The following ANKRD36B variants were observed in gnomAD, a reference collection of about 807,000 sequenced individuals.
ANKRD36B encodes the protein ankyrin repeat domain 36B, also known as ankyrin repeat domain-containing protein 36B.
ANKRD36B carries 37 observed loss-of-function variants against 135.7 expected under a neutral mutation model. The ratio of observed to expected loss-of-function variants is 0.27; its 90% CI spans 0.21 to 0.36. The LOEUF is 0.36. Ranked by LOEUF, ANKRD36B falls within the 10% of genes least tolerant of loss-of-function variation. ANKRD36B has a pLI of 1.00. For synonymous variants in ANKRD36B, 179 were observed against 348.1 expected, an observed-to-expected ratio of 0.51 and a Z score of 5.41; for missense variants, 549 against 1,037.1, an observed-to-expected ratio of 0.53 and a Z score of 6.46.
rs1327682594 is a variant in ANKRD36B at position 97,578,933 on chromosome 2, T to A, written c.668A>T (p.Asp223Val). The stretch of plus-strand genomic sequence containing the variant: ...TCTATTCTCAGCCTCACTGGCATAA[T>A]CTTCTGCAAGCTTTCCATACACATC... ...SRDVYGKLAE[D>V]YASEAENRVI... The change falls in exon 5 of 44, where the codon GAT (aspartate) becomes GTT (valine). Residue 223 changes from aspartate (D) to valine (V), a missense_variant. Asp to Val is a radical substitution (Grantham distance 152). Transcript: ENST00000359901. 1 of 1,613,036 alleles carries A rather than the reference T, an allele frequency of 6.2e-7. No homozygotes were observed. Among genetic ancestry groups the A allele is most frequent in the South Asian group, 1.1e-5 (1 of 91,014 alleles).
chr2:97,535,486 A>AAC (rs201309834), intron 34 of ANKRD36B, among the ~76,000 whole-genome samples: 2,828 of 107,684 alleles, frequency 0.026, 94 homozygotes, highest in East Asian at 0.073. Flanking sequence ...AAAAAAATAA[A>AAC]ACACACACAC....
At chr2:97,569,524 A>G (rs2081680336) in intron 6 of ANKRD36B, among the ~76,000 whole-genome samples, 4 of 152,044 alleles carry the variant, frequency 2.6e-5, no homozygotes, top group Admixed American at 2.6e-4. Context: ...TACAATACCA[A>G]GAGGGAACTT....
Position 97,589,709 on chromosome 2 carries a change from C to T in ANKRD36B, c.-24G>A, listed in dbSNP as rs2871168. 5.3e-4 allele frequency: 852 copies of T among 1,611,988 alleles called. 3 individuals are homozygous for T. In the East Asian group the frequency reaches 7.5e-3, roughly 14 times the overall value. ...ATGAGGGTGGGCCACCTCTCCCGCT[C>T]GTCGTCTTCCTTAATCGTCGGCTGC... is the stretch of plus-strand genomic sequence containing the variant. On this transcript the variant is annotated 5_prime_UTR_variant, in exon 1 of 44. Coordinates refer to ENST00000359901, the MANE Select transcript of ANKRD36B (RefSeq NM_001393939.1).
rs764517986 is a variant in ANKRD36B, at chr2:97,585,067, G to A, written c.327C>T (p.Gly109=). 22 of 1,612,680 alleles carry A rather than the reference G, an allele frequency of 1.4e-5. No individual in the cohort carries two copies. The highest frequency in any genetic ancestry group is 8.0e-5 in the African/African-American group (6 of 74,778). Residue 109 remains glycine (G), a synonymous_variant, in exon 3 of 44, where the codon GGC becomes GGT. Transcript: ENST00000359901. ...EACATLLLQN[G]ADPNITDVFG... ...AGACATCCGTAATATTTGGATCGGC[G>A]CCATTTTGCAGCAGAAGAGTTGCAC...
chr2:97,533,635 A>G lies in ANKRD36B; in HGVS notation c.2192-1251T>C, dbSNP rs560275917. On this transcript the variant is annotated intron_variant, in intron 34 of 43. Coordinates refer to ENST00000359901, the MANE Select transcript of ANKRD36B (RefSeq NM_001393939.1). Reference sequence around the variant, plus strand: ...ATAGACAGTTGTAGAATAAAAATTAATAAAACTATTCATTTTTTTCATTCC... The same window carrying G: ...ATAGACAGTTGTAGAATAAAAATTAGTAAAACTATTCATTTTTTTCATTCC... Among the ~76,000 whole-genome samples the G allele has an allele frequency of 4.9e-4, 47 of 96,154 alleles. 9 individuals carry two copies. The South Asian group carries it at 7.6e-3, about 15-fold the overall frequency. The allele number at this position is 96,154 out of a possible 152,430, so 63.1% of individuals were successfully genotyped here. A position where few individuals can be genotyped will look rare whatever the true frequency, so the allele number is the denominator to read the frequency against.
chr2:97,577,592 T>C (rs2082313807), intron 5 of ANKRD36B, among the ~76,000 whole-genome samples: 1 of 147,618 alleles, frequency 6.8e-6, no homozygotes, highest in African/African-American at 2.5e-5. Context: ...ATTGTTCCAA[T>C]TTTAGTATTT....
intron 3 of ANKRD36B, among the ~76,000 whole-genome samples, chr2:97,584,317 G>A (rs1293572472): frequency 8.3e-5 from 10 of 121,066 alleles, no homozygotes; most frequent in Non-Finnish European, 1.6e-4. Flanking sequence ...AAACTGAAGC[G>A]ATCTTTGTCT....
At chr2:97,564,858 C>CT (rs1271630167) in intron 6 of ANKRD36B, among the ~76,000 whole-genome samples, 1 of 151,944 alleles carries the variant, frequency 6.6e-6, no homozygotes, top group South Asian at 2.1e-4. Flanking sequence ...TATATGGGCT[C>CT]TTTTTTTGGT....
At chr2:97,552,795 G>A (rs1164996712) in intron 16 of ANKRD36B, among the ~76,000 whole-genome samples, 11 of 151,696 alleles carry the variant, frequency 7.3e-5, no homozygotes, top group East Asian at 1.9e-4. Flanking sequence ...TCTTTTCTTC[G>A]CAGTACGATG....
At chr2:97,580,319 A>T (rs913408187) in intron 4 of ANKRD36B, 143 bp downstream of exon 4, 4 of 677,886 alleles carry the variant, frequency 5.9e-6, no homozygotes, top group Admixed American at 3.4e-5. Flanking sequence ...CTAAGTGATG[A>T]TCTGTGTTGA....
chr2:97,563,510 C>T (rs1178384335), intron 6 of ANKRD36B, among the ~76,000 whole-genome samples: 1 of 151,740 alleles, frequency 6.6e-6, no homozygotes, highest in Non-Finnish European at 1.5e-5. Context: ...TCATCAAAGT[C>T]CTATTTGCCA....
rs570269095 is a variant in ANKRD36B at position 97,549,556 on chromosome 2, A to C, written c.1404+30T>G. The C allele has an allele frequency of 2.2e-4, 362 of 1,609,042 alleles. 2 individuals are homozygous for C. In the South Asian group the frequency reaches 3.6e-3, roughly 16 times the overall value. On this transcript the variant is annotated intron_variant, in intron 19 of 43. Coordinates refer to ENST00000359901, the MANE Select transcript of ANKRD36B (RefSeq NM_001393939.1). ...ATGTTTCATAGACCATACATTAACT[A>C]GTTCACAATATAAATGAGAGTTTCA...
chr2:97,555,666 T>A (rs1465389063), intron 12 of ANKRD36B, among the ~76,000 whole-genome samples: 2 of 151,962 alleles, frequency 1.3e-5, no homozygotes, highest in Non-Finnish European at 2.9e-5. Context: ...CTACAAACAT[T>A]CATCATGCTC....
At chr2:97,572,831 G>A (rs1356324768) in intron 6 of ANKRD36B, among the ~76,000 whole-genome samples, 1 of 151,268 alleles carries the variant, frequency 6.6e-6, no homozygotes, top group Non-Finnish European at 1.5e-5. Context: ...CAGAGACTTG[G>A]TATACTTAGC....
chr2:97,553,529 T>C (rs1291400978), intron 14 of ANKRD36B, among the ~76,000 whole-genome samples, 158 bp from the exon 15 acceptor site: 1 of 151,978 alleles, frequency 6.6e-6, no homozygotes, highest in Non-Finnish European at 1.5e-5. Context: ...ATGACACAAA[T>C]ATACTAAAGA....
At chr2:97,574,911 T>C (rs2082127564) in intron 6 of ANKRD36B, among the ~76,000 whole-genome samples, 1 of 152,108 alleles carries the variant, frequency 6.6e-6, no homozygotes, top group African/African-American at 2.4e-5. Flanking sequence ...CTTCTGCAGT[T>C]ACAAAAGGGT....
At chr2:97,577,994 C>T (rs1052685149) in intron 5 of ANKRD36B, among the ~76,000 whole-genome samples, 3 of 151,804 alleles carry the variant, frequency 2.0e-5, no homozygotes, top group African/African-American at 7.3e-5. Context: ...ATATCTCTGA[C>T]AGTTTAGAAC....
At chr2:97,567,862 C>T (rs2104848731) in intron 6 of ANKRD36B, among the ~76,000 whole-genome samples, 1 of 152,286 alleles carries the variant, frequency 6.6e-6, no homozygotes, top group East Asian at 1.9e-4. Flanking sequence ...GATCCAAGAT[C>T]ACGTGAAGCA....
chr2:97,544,487 C>T (rs1456418385), intron 24 of ANKRD36B, among the ~76,000 whole-genome samples: 2 of 95,032 alleles, frequency 2.1e-5, no homozygotes, highest in East Asian at 4.7e-4. Flanking sequence ...CACGTCTCTT[C>T]AGTGGAAGTG....
Sources: gnomAD v4.1 joint callset for allele counts (sites outside exome capture counted in the v4.1 genomes callset) on GRCh38, gnomAD v4.1.1 for gene constraint, MANE v1.5 for transcripts, NCBI Gene and HGNC (gene_info 2026-07-23, HGNC 2026-07-21) for gene names.